PUDP: variants seen among roughly 807,000 people sequenced by gnomAD.
PUDP encodes pseudouridine-5'-phosphatase.
A neutral mutation model predicts 9.4 loss-of-function variants in PUDP; 8 were observed. The ratio of observed to expected loss-of-function variants is 0.85; its 90% CI spans 0.50 to 1.53. The LOEUF is 1.53. PUDP is among the 40% of genes most tolerant of loss of function. The pLI is 0.00. For missense variants in PUDP, 188 were observed against 189.7 expected, an observed-to-expected ratio of 0.99 and a Z score of 0.05; for synonymous variants, 99 against 80.7, an observed-to-expected ratio of 1.23 and a Z score of -1.22.
chrX:6,814,820 C>T (rs933384469), intron 3 of PUDP, among the ~76,000 whole-genome samples: 1 of 111,379 alleles, frequency 9.0e-6, no homozygotes, highest in African/African-American at 3.3e-5. Flanking sequence ...TTCAGCACAA[C>T]CAAAAATGCC....
intron 3 of PUDP, among the ~76,000 whole-genome samples, chrX:6,760,298 G>A (rs1053063041): frequency 5.4e-5 from 6 of 111,870 alleles, no homozygotes; most frequent in Non-Finnish European, 7.5e-5. Context: ...GAGCCCTGGA[G>A]GCTCTGTCTA....
chrX:6,904,077 G>A (rs1436271171), intron 3 of PUDP, among the ~76,000 whole-genome samples: 1 of 107,309 alleles, frequency 9.3e-6, no homozygotes, highest in Non-Finnish European at 1.9e-5. Context: ...TCAGCCTCCC[G>A]AGTAGCTGGA....
At chrX:7,142,619 A>C (rs1425042379) in intron 1 of PUDP, among the ~76,000 whole-genome samples, 1 of 108,043 alleles carries the variant, frequency 9.3e-6, no homozygotes, top group Non-Finnish European at 1.9e-5. Context: ...AAGCAGCAGC[A>C]GCAGAGTTTG....
chrX:6,867,693 C>T (rs1341641889), intron 3 of PUDP, among the ~76,000 whole-genome samples: 4 of 110,395 alleles, frequency 3.6e-5, no homozygotes, highest in East Asian at 2.8e-4. Flanking sequence ...GTGGTGGTGC[C>T]GAAAGTGGAG....
At chrX:7,086,678 GCT>G (rs1931273818) in intron 2 of PUDP, among the ~76,000 whole-genome samples, 1 of 112,117 alleles carries the variant, frequency 8.9e-6, no homozygotes, top group Non-Finnish European at 1.9e-5. Context: ...AATGAATTCT[GCT>G]CTTTTGAAAA....
At chrX:6,773,113 C>T (rs951850741) in intron 3 of PUDP, among the ~76,000 whole-genome samples, 8 of 112,110 alleles carry the variant, frequency 7.1e-5, no homozygotes, top group South Asian at 3.7e-4. Flanking sequence ...GAAAAGTTCA[C>T]GGTGTTTGGA....
intron 3 of PUDP, among the ~76,000 whole-genome samples, chrX:6,900,269 T>C (rs1462833264): frequency 9.3e-6 from 1 of 106,997 alleles, no homozygotes; most frequent in African/African-American, 3.4e-5. Flanking sequence ...ATAGAGCTAT[T>C]TTTTTCCCCT....
chrX:6,836,611 T>C (rs1449981558), intron 3 of PUDP, among the ~76,000 whole-genome samples: 1 of 112,437 alleles, frequency 8.9e-6, no homozygotes, highest in African/African-American at 3.2e-5. Flanking sequence ...CATTCTTCTA[T>C]AGTCACATCT....
chrX:7,067,479 C>T (rs1234972006), intron 3 of PUDP, among the ~76,000 whole-genome samples: 1 of 111,781 alleles, frequency 8.9e-6, no homozygotes, highest in Admixed American at 9.5e-5. Context: ...TGTGGGTCTG[C>T]CAAGAAGCCA....
Position 6,862,560 on chromosome X carries a change from C to T in PUDP, c.*247+114573G>A, listed in dbSNP as rs185345244. On this transcript the variant is annotated intron_variant and NMD_transcript_variant, in intron 3 of 3. Coordinates refer to the PUDP transcript ENST00000655425. ...TTTTAAAAAGAACCACTAAAAGGGA[C>T]GGGGTTTTTCCCACGGTGTCTTTAT... Among the ~76,000 whole-genome samples, 49 of 111,470 alleles carry T rather than the reference C, an allele frequency of 4.4e-4. 1 individual carries two copies. Among genetic ancestry groups the T allele is most frequent in the South Asian group, 1.5e-3 (4 of 2,637 alleles).
At chrX:7,110,281 T>C (rs1471788426) in intron 1 of PUDP, among the ~76,000 whole-genome samples, 3 of 112,529 alleles carry the variant, frequency 2.7e-5, no homozygotes, top group Non-Finnish European at 3.8e-5. Flanking sequence ...GGGTAATTGC[T>C]GCAAATCAAG....
intron 3 of PUDP, among the ~76,000 whole-genome samples, chrX:6,731,121 G>A (rs1291971778): frequency 8.9e-6 from 1 of 111,752 alleles, no homozygotes; most frequent in Non-Finnish European, 1.9e-5. Flanking sequence ...CCAGGCCAGA[G>A]TGCAGTGGTG....
intron 3 of PUDP, among the ~76,000 whole-genome samples, chrX:6,756,231 C>G (rs1415798112): frequency 1.8e-5 from 2 of 110,801 alleles, no homozygotes; most frequent in East Asian, 5.6e-4. Flanking sequence ...ACTCCTAGGT[C>G]TATACTCAAT....
intron 3 of PUDP, among the ~76,000 whole-genome samples, chrX:6,727,855 G>A (rs754596600): frequency 1.8e-5 from 2 of 111,518 alleles, no homozygotes; most frequent in Non-Finnish European, 3.8e-5. Context: ...AGCTATCGAT[G>A]TCACTGTGAA....
At chrX:6,888,193 C>T (rs768081090) in intron 3 of PUDP, among the ~76,000 whole-genome samples, 2 of 111,265 alleles carry the variant, frequency 1.8e-5, no homozygotes, top group Non-Finnish European at 3.8e-5. Flanking sequence ...GAAGTTGCCA[C>T]GCTGCTAATA....
At chrX:7,111,103 A>C (rs763341068) in intron 1 of PUDP, among the ~76,000 whole-genome samples, 1 of 110,884 alleles carries the variant, frequency 9.0e-6, no homozygotes, top group East Asian at 2.9e-4. Context: ...TGAAGGTTTT[A>C]TAAGTGTTTG....
intron 1 of PUDP, among the ~76,000 whole-genome samples, chrX:7,116,201 C>T (rs1932189076): frequency 9.0e-6 from 1 of 111,567 alleles, no homozygotes; most frequent in African/African-American, 3.3e-5. Context: ...TTCAGGTGGG[C>T]CCTGACTGGA....
chrX:6,716,288 CAGCAGAATTCA>C (rs1392129997), intron 1 of PUDP, among the ~76,000 whole-genome samples: 3 of 111,435 alleles, frequency 2.7e-5, no homozygotes, highest in Non-Finnish European at 5.6e-5. Flanking sequence ...GATAATGTGT[CAGCAGAATTCA>C]TATCTGTGCT....
intron 3 of PUDP, among the ~76,000 whole-genome samples, chrX:6,779,182 C>A (rs750222599): frequency 8.9e-6 from 1 of 112,000 alleles, no homozygotes; most frequent in Non-Finnish European, 1.9e-5. Context: ...GTTCACAGAC[C>A]TCCGTCCATG....
Sources: allele counts gnomAD v4.1 joint callset (sites outside exome capture counted in the v4.1 genomes callset), GRCh38; gene constraint gnomAD v4.1.1; transcripts MANE v1.5; gene names NCBI Gene and HGNC (gene_info 2026-07-23, HGNC 2026-07-21).